ACACA: variants seen among roughly 807,000 people sequenced by gnomAD.
The protein encoded by ACACA is acetyl-CoA carboxylase 1.
A neutral mutation model predicts 296.1 loss-of-function variants in ACACA; 103 were observed. The observed-to-expected ratio is 0.35, with a 90% CI of 0.30 to 0.41. The LOEUF is 0.41. Among genes scored for constraint, ACACA ranks in the 10% least tolerant of loss-of-function variants. The pLI is 1.00. For synonymous variants in ACACA, 953 were observed against 1,038.6 expected, an observed-to-expected ratio of 0.92 and a Z score of 1.58; for missense variants, 1,554 against 2,989.7, an observed-to-expected ratio of 0.52 and a Z score of 11.20.
chr17:37,123,638 T>A (rs2074630619), intron 48 of ACACA, among the ~76,000 whole-genome samples: 1 of 152,134 alleles, frequency 6.6e-6, no homozygotes, highest in Non-Finnish European at 1.5e-5. Context: ...ATTCCTGTCA[T>A]CACAAGAGGG....
chr17:37,341,524 T>C (rs1288509177), intron 1 of ACACA, among the ~76,000 whole-genome samples: 1 of 151,998 alleles, frequency 6.6e-6, no homozygotes, highest in Non-Finnish European at 1.5e-5. Flanking sequence ...ACCTCGTCTT[T>C]ACTAAACATA....
At chr17:37,281,876 G>GA (rs1386745986) in intron 5 of ACACA, among the ~76,000 whole-genome samples, 1 of 151,866 alleles carries the variant, frequency 6.6e-6, no homozygotes, top group African/African-American at 2.4e-5. Flanking sequence ...AAAGAAAAAA[G>GA]AAAAAAACCA....
rs149914010 is a variant in ACACA at position 37,107,143 on chromosome 17, C to T, written c.6565+4388G>A. On this transcript the variant is annotated intron_variant, in intron 52 of 55. Transcript: ENST00000616317. ...ACAGTGGCCATAGTGTCAGTGAGGACACTCCAAGTTCAACAGGTGAGAGGT... is the reference window on the plus strand; with the variant it reads ...ACAGTGGCCATAGTGTCAGTGAGGATACTCCAAGTTCAACAGGTGAGAGGT... Among the ~76,000 whole-genome samples the T allele has an allele frequency of 1.8e-3, 278 of 152,268 alleles. 4 individuals carry two copies. Among genetic ancestry groups the T allele is most frequent in the Non-Finnish European group, 5.4e-4 (37 of 68,024 alleles).
intron 9 of ACACA, 147 bp downstream of exon 9, chr17:37,274,046 C>A: frequency 1.4e-6 from 1 of 717,732 alleles, no homozygotes; most frequent in Non-Finnish European, 2.5e-6. Context: ...GAGAAACCAG[C>A]GTATTCTATA....
At chr17:37,259,098 A>G (rs2081334272) in intron 12 of ACACA, among the ~76,000 whole-genome samples, 1 of 152,276 alleles carries the variant, frequency 6.6e-6, no homozygotes, top group African/African-American at 2.4e-5. Flanking sequence ...ATAATTGAAT[A>G]AAGCATACAT....
intron 8 of ACACA, 46 bp from the exon 9 acceptor site, chr17:37,274,345 T>C (rs1389798449): frequency 6.6e-7 from 1 of 1,514,862 alleles, no homozygotes; most frequent in South Asian, 1.1e-5. Context: ...GATCTTCTGC[T>C]CTTGTCAATT....
In ACACA at chr17:37,221,491, T is replaced by C. The variant is rs1393925826; in HGVS notation, c.3683+233A>G. The C allele has an allele frequency of 2.6e-5, 15 of 582,556 alleles. No homozygotes were observed. The Admixed American group carries it at 4.1e-4, about 16-fold the overall frequency. 36.1% of individuals were successfully genotyped at this position (582,556 alleles called of 1,614,324 possible). ...AGAAACTATTTCCTCAGTGACATAATACAAGCAAGAATGAATGGAGTAATC... is the reference window on the plus strand; with the variant it reads ...AGAAACTATTTCCTCAGTGACATAACACAAGCAAGAATGAATGGAGTAATC... On this transcript the variant is annotated intron_variant, in intron 29 of 55. Transcript: ENST00000616317.
At chr17:37,271,273 T>C (rs926977094) in intron 9 of ACACA, among the ~76,000 whole-genome samples, 4 of 152,204 alleles carry the variant, frequency 2.6e-5, no homozygotes, top group Non-Finnish European at 2.9e-5. Context: ...CACAGCACTT[T>C]GGGAGGCCAA....
chr17:37,286,062 G>C (rs2082755072), intron 3 of ACACA, among the ~76,000 whole-genome samples: 1 of 152,050 alleles, frequency 6.6e-6, no homozygotes, highest in African/African-American at 2.4e-5. Context: ...GCTAATTTTT[G>C]TATTTTTAGT....
chr17:37,303,540 T>C lies in ACACA; in HGVS notation c.339-18570A>G, dbSNP rs543745388. 1.1e-4 allele frequency among the ~76,000 whole-genome samples: 16 copies of C among 152,292 alleles called. No homozygotes were observed. In the South Asian group the frequency reaches 3.3e-3, roughly 32 times the overall value. ...AAGCTGCCAGATCATATGGTTCATA[T>C]GGTGAGAGTTTAGTTTTATAAGAAA... is the stretch of plus-strand genomic sequence containing the variant. On this transcript the variant is annotated intron_variant, in intron 3 of 55. Coordinates refer to ENST00000616317, the MANE Select transcript of ACACA (RefSeq NM_198834.3).
chr17:37,208,037 A>C (rs928672740), intron 30 of ACACA, among the ~76,000 whole-genome samples: 2 of 152,200 alleles, frequency 1.3e-5, no homozygotes, highest in Non-Finnish European at 2.9e-5. Context: ...TTCAAATAAA[A>C]AGCTAAGAAC....
chr17:37,339,953 T>C, intron 1 of ACACA, 103 bp from the exon 2 acceptor site: 2 of 630,872 alleles, frequency 3.2e-6, no homozygotes, highest in South Asian at 4.1e-5. Context: ...ATATATGAAG[T>C]ATCTATTTTA....
At chr17:37,154,486 G>C (rs759292088) in intron 43 of ACACA, among the ~76,000 whole-genome samples, 3 of 151,976 alleles carry the variant, frequency 2.0e-5, no homozygotes, top group Non-Finnish European at 2.9e-5. Flanking sequence ...ATAGTATTAG[G>C]ACAATTAACT....
intron 29 of ACACA, among the ~76,000 whole-genome samples, chr17:37,219,244 A>G (rs117476981): frequency 0.015 from 2,315 of 152,274 alleles, 29 homozygotes; most frequent in East Asian, 0.047. Flanking sequence ...TGGTGAACAC[A>G]TGGATGTGCT....
At chr17:37,338,623 A>C (rs564385033) in intron 2 of ACACA, among the ~76,000 whole-genome samples, 17 of 151,892 alleles carry the variant, frequency 1.1e-4, no homozygotes, top group Middle Eastern at 3.4e-3. Flanking sequence ...ACAAAAAAAA[A>C]CAAAAAACCT....
At chr17:37,134,671 G>C (rs568503894) in intron 45 of ACACA, among the ~76,000 whole-genome samples, 1 of 152,160 alleles carries the variant, frequency 6.6e-6, no homozygotes, top group African/African-American at 2.4e-5. Flanking sequence ...ACAATGCTCG[G>C]TGGGTCAGGA....
At chr17:37,299,262 T>C in intron 3 of ACACA, 1 of 1,611,862 alleles carries the variant, frequency 6.2e-7, no homozygotes, top group Non-Finnish European at 8.5e-7. Context: ...TACCCAAATG[T>C]GGTAGCCTAA....
intron 1 of ACACA, among the ~76,000 whole-genome samples, chr17:37,348,300 C>G (rs142666098): frequency 2.2e-4 from 34 of 152,124 alleles, no homozygotes; most frequent in Non-Finnish European, 4.0e-4. Flanking sequence ...ATAATCATGC[C>G]AGATTGCCAT....
chr17:37,317,322 G>A (rs556840033), intron 3 of ACACA, among the ~76,000 whole-genome samples: 1 of 152,204 alleles, frequency 6.6e-6, no homozygotes, highest in South Asian at 2.1e-4. Context: ...GGGCGCGGTG[G>A]CTGACGCCTG....
Sources: gnomAD v4.1 joint callset for allele counts (sites outside exome capture counted in the v4.1 genomes callset) on GRCh38, gnomAD v4.1.1 for gene constraint, MANE v1.5 for transcripts, NCBI Gene and HGNC (gene_info 2026-07-23, HGNC 2026-07-21) for gene names.